NRG1: variants seen among roughly 807,000 people sequenced by gnomAD.
NRG1 encodes the protein pro-neuregulin-1, membrane-bound isoform.
NRG1 carries 18 observed loss-of-function variants against 63.8 expected under a neutral mutation model. The ratio of observed to expected loss-of-function variants is 0.28; its 90% CI spans 0.19 to 0.42. The LOEUF is 0.42. Among genes scored for constraint, NRG1 ranks in the 10% least tolerant of loss-of-function variants. The pLI is 1.00. For synonymous variants in NRG1, 302 were observed against 301.3 expected (o/e 1.00, Z -0.02); for missense variants, 762 against 814.7 (o/e 0.94, Z 0.79).
chr8:32,749,239 A>C (rs57327932), intron 7 of NRG1: 7,966 of 324,768 alleles, frequency 0.025, 648 homozygotes, highest in African/African-American at 0.16. Flanking sequence ...TTATAAAGAT[A>C]ATCTTTCCAT....
At chr8:32,108,864 C>G (rs1350217837) in intron 1 of NRG1, among the ~76,000 whole-genome samples, 1 of 152,070 alleles carries the variant, frequency 6.6e-6, no homozygotes, top group Non-Finnish European at 1.5e-5. Flanking sequence ...TATTTTAGCT[C>G]TGTGCAACCT....
At chr8:32,122,508 T>A (rs1387512433) in intron 1 of NRG1, among the ~76,000 whole-genome samples, 1 of 152,048 alleles carries the variant, frequency 6.6e-6, no homozygotes, top group Non-Finnish European at 1.5e-5. Context: ...CATTTACAGA[T>A]AAACATGCAC....
chr8:31,804,362 G>T (rs1822072688), intron 1 of NRG1, among the ~76,000 whole-genome samples: 1 of 152,102 alleles, frequency 6.6e-6, no homozygotes. Flanking sequence ...CTCTGAAGTT[G>T]TTACTCTCAG....
chr8:31,676,194 A>G (rs561807652), intron 1 of NRG1, among the ~76,000 whole-genome samples: 61 of 152,202 alleles, frequency 4.0e-4, no homozygotes, highest in African/African-American at 1.4e-3. Context: ...GATCCTGAGC[A>G]TGGGAACAGC....
At chr8:32,547,216 G>C (rs1833162079), upstream of NRG1, among the ~76,000 whole-genome samples, 1 of 152,060 alleles carries the variant, frequency 6.6e-6, no homozygotes, top group Non-Finnish European at 1.5e-5. Context: ...TCCTTTGCAG[G>C]GGAGGGGTCA....
chr8:31,765,989 C>T (rs1454565922), intron 1 of NRG1, among the ~76,000 whole-genome samples: 1 of 152,100 alleles, frequency 6.6e-6, no homozygotes, highest in African/African-American at 2.4e-5. Flanking sequence ...TTTTTATAGT[C>T]TTCCTTTATC....
intron 1 of NRG1, among the ~76,000 whole-genome samples, chr8:32,137,249 C>A (rs905074364): frequency 6.6e-6 from 1 of 152,054 alleles, no homozygotes; most frequent in South Asian, 2.1e-4. Context: ...AGTTCAAGAC[C>A]AGCCTGGCCA....
chr8:31,813,516 C>CTTTTCTTTTTTTTTTTTTT, intron 1 of NRG1, among the ~76,000 whole-genome samples: 1 of 101,216 alleles, frequency 9.9e-6, no homozygotes, highest in Non-Finnish European at 2.0e-5. Context: ...CTTTTCTTTT[C>CTTTTCTTTTTTTTTTTTTT]TTTTTTTTTT....
intron 1 of NRG1, among the ~76,000 whole-genome samples, chr8:31,998,178 T>G (rs574143148): frequency 4.5e-4 from 69 of 152,114 alleles, no homozygotes; most frequent in African/African-American, 1.5e-3. Flanking sequence ...GAAATGTGTA[T>G]TCTGTTAGAA....
chr8:32,754,214 T>C (rs1829249537), intron 7 of NRG1, 158 bp from the exon 8 acceptor site: 1 of 655,256 alleles, frequency 1.5e-6, no homozygotes, highest in African/African-American at 1.8e-5. Flanking sequence ...GTGCAGAGCA[T>C]GTTGTACCTT....
At chr8:32,222,034 T>TACACAC (rs202206585) in intron 1 of NRG1, among the ~76,000 whole-genome samples, 1 of 148,586 alleles carries the variant, frequency 6.7e-6, no homozygotes, top group African/African-American at 2.5e-5. Flanking sequence ...GAAACATACA[T>TACACAC]ACACACACAC....
chr8:31,861,857 C>T (rs1585333213), intron 1 of NRG1, among the ~76,000 whole-genome samples: 1 of 152,160 alleles, frequency 6.6e-6, no homozygotes, highest in South Asian at 2.1e-4. Flanking sequence ...TGATAGATTT[C>T]ACCTTCAACA....
intron 1 of NRG1, among the ~76,000 whole-genome samples, chr8:31,978,145 G>T (rs534682125): frequency 1.3e-5 from 2 of 152,148 alleles, no homozygotes; most frequent in African/African-American, 4.8e-5. Flanking sequence ...ATTCAGATGT[G>T]TTAAATATGG....
At chr8:32,118,503 C>T (rs144136599) in intron 1 of NRG1, among the ~76,000 whole-genome samples, 9 of 152,100 alleles carry the variant, frequency 5.9e-5, no homozygotes, top group Non-Finnish European at 1.3e-4. Flanking sequence ...GAACCATGAG[C>T]CAAATAAACG....
intron 1 of NRG1, among the ~76,000 whole-genome samples, chr8:32,272,015 T>A (rs1215463981): frequency 1.3e-5 from 2 of 152,190 alleles, no homozygotes; most frequent in Non-Finnish European, 2.9e-5. Flanking sequence ...CAACAATTAA[T>A]TCATTTATTT....
At chr8:32,437,320 TTTTG>T (rs989714893) in intron 1 of NRG1, among the ~76,000 whole-genome samples, 7 of 151,928 alleles carry the variant, frequency 4.6e-5, no homozygotes, top group South Asian at 2.1e-4. Flanking sequence ...GTTTGTTTGT[TTTTG>T]TTTGTTTGTT....
chr8:32,204,413 C>T (rs1459302906), intron 1 of NRG1, among the ~76,000 whole-genome samples: 1 of 152,156 alleles, frequency 6.6e-6, no homozygotes, highest in Non-Finnish European at 1.5e-5. Flanking sequence ...AAAGTAGAAG[C>T]AGTCCTGTGA....
At chr8:31,683,214 T>G (rs970969930) in intron 1 of NRG1, among the ~76,000 whole-genome samples, 14 of 152,146 alleles carry the variant, frequency 9.2e-5, no homozygotes, top group African/African-American at 3.1e-4. Flanking sequence ...CCAAATGAGT[T>G]GAAATGTCCA....
At chr8:31,948,263 C>T (rs2129622428) in intron 1 of NRG1, among the ~76,000 whole-genome samples, 1 of 152,224 alleles carries the variant, frequency 6.6e-6, no homozygotes, top group South Asian at 2.1e-4. Context: ...AGCTATAGAG[C>T]TTTTCCTTGT....
Sources: gnomAD v4.1 joint callset for allele counts (sites outside exome capture counted in the v4.1 genomes callset) on GRCh38, gnomAD v4.1.1 for gene constraint, MANE v1.5 for transcripts, NCBI Gene and HGNC (gene_info 2026-07-23, HGNC 2026-07-21) for gene names.